LGMN: variants seen among roughly 807,000 people sequenced by gnomAD.
LGMN encodes legumain, also known as asparaginyl endopeptidase.
LGMN carries 36 observed loss-of-function variants against 56.8 expected under a neutral mutation model. That is an observed-to-expected ratio of 0.63 (90% CI 0.49 to 0.84). The LOEUF is 0.84. Among genes scored for constraint, LGMN ranks in the 40% least tolerant of loss-of-function variants. The probability of loss-of-function intolerance (pLI) is 0.00; values close to 1 mark genes in which losing one functional copy is unlikely to be tolerated. For missense variants in LGMN, 446 were observed against 556.1 expected (o/e 0.80, Z 1.99); for synonymous variants, 199 against 210.1 (o/e 0.95, Z 0.46).
At chr14:92,705,267 C>T (rs551935740) in intron 12 of LGMN, among the ~76,000 whole-genome samples, 5 of 152,208 alleles carry the variant, frequency 3.3e-5, no homozygotes, top group South Asian at 2.1e-4. Flanking sequence ...TGTGGGAGGC[C>T]GAGGCAGGTG....
At chr14:92,719,245 G>GCCA (rs1302998421) in intron 2 of LGMN, among the ~76,000 whole-genome samples, 1 of 22,894 alleles carries the variant, frequency 4.4e-5, no homozygotes, top group Non-Finnish European at 7.4e-5. Flanking sequence ...CGCCACCACC[G>GCCA]CCACCACCAC....
At chr14:92,727,374 G>A (rs1890791453) in intron 2 of LGMN, among the ~76,000 whole-genome samples, 1 of 145,206 alleles carries the variant, frequency 6.9e-6, no homozygotes, top group African/African-American at 2.6e-5. Flanking sequence ...ATGTTGCAAT[G>A]AGCCGAGATT....
At chr14:92,735,230 G>A (rs947454542) in intron 1 of LGMN, among the ~76,000 whole-genome samples, 1 of 151,978 alleles carries the variant, frequency 6.6e-6, no homozygotes, top group African/African-American at 2.4e-5. Flanking sequence ...TTTTTGAGAC[G>A]GTGTCTTGCT....
chr14:92,705,253 G>A (rs755017024), intron 12 of LGMN, among the ~76,000 whole-genome samples: 12 of 152,184 alleles, frequency 7.9e-5, no homozygotes, highest in Non-Finnish European at 1.5e-4. Flanking sequence ...TGTAATCCCA[G>A]CACTGTGGGA....
chr14:92,733,130 A>G (rs909892421), intron 1 of LGMN, among the ~76,000 whole-genome samples: 4 of 145,174 alleles, frequency 2.8e-5, no homozygotes, highest in Admixed American at 1.4e-4. Context: ...TCTGGGTGAC[A>G]GAGTCAGACT....
intron 5 of LGMN, chr14:92,715,714 T>A (rs531284586): frequency 3.2e-5 from 5 of 154,080 alleles, no homozygotes; most frequent in African/African-American, 1.2e-4. Context: ...TCCTCCAATA[T>A]GAAGGGACTT....
chr14:92,707,168 G>C (rs563381540), intron 11 of LGMN, among the ~76,000 whole-genome samples: 2 of 151,882 alleles, frequency 1.3e-5, no homozygotes, highest in East Asian at 3.9e-4. Context: ...GAGGCAGGAG[G>C]ATCACTTGAG....
chr14:92,717,271 C>T (rs1439323662), intron 4 of LGMN, 109 bp downstream of exon 4: 2 of 655,646 alleles, frequency 3.1e-6, no homozygotes, highest in Non-Finnish European at 5.3e-6. Context: ...GAAACACCGA[C>T]CAGAAGCCAG....
chr14:92,746,103 G>T (rs868391972), intron 1 of LGMN, among the ~76,000 whole-genome samples: 3 of 152,156 alleles, frequency 2.0e-5, no homozygotes, highest in Middle Eastern at 3.4e-3. Flanking sequence ...TTACAGGCAC[G>T]AGCCACCGCG....
intron 7 of LGMN, 122 bp downstream of exon 7, chr14:92,713,701 G>C (rs1440220640): frequency 1.3e-6 from 1 of 742,288 alleles, no homozygotes; most frequent in African/African-American, 1.8e-5. Context: ...GGATTGGAAG[G>C]ATCCCCTTTC....
rs754911483 is a variant in LGMN, at chr14:92,711,565, G to A, written c.819+94C>T. 2.4e-5 allele frequency: 28 copies of A among 1,155,146 alleles called. No individual in the cohort carries two copies. In the South Asian group the frequency reaches 2.8e-4, roughly 11 times the overall value. The allele number at this position is 1,155,146 out of a possible 1,614,324, so 71.6% of individuals were successfully genotyped here. A position where few individuals can be genotyped will look rare whatever the true frequency, so the allele number is the denominator to read the frequency against. ...CCCTGCCTCAAGCATTCCTCACTCA[G>A]ATCCCATGTCTCTTTAGCAAGAGAT... On this transcript the variant is annotated intron_variant, in intron 10 of 13. Transcript: ENST00000334869.
At chr14:92,726,824 G>A (rs1303731230) in intron 2 of LGMN, among the ~76,000 whole-genome samples, 1 of 152,056 alleles carries the variant, frequency 6.6e-6, no homozygotes, top group African/African-American at 2.4e-5. Flanking sequence ...AGCTCCAAGT[G>A]GTCACAAGTG....
intron 2 of LGMN, among the ~76,000 whole-genome samples, chr14:92,720,486 G>A (rs1174026436): frequency 6.6e-6 from 1 of 152,136 alleles, no homozygotes; most frequent in Non-Finnish European, 1.5e-5. Context: ...TGACCAACAT[G>A]GTGAAACCCT....
intron 2 of LGMN, among the ~76,000 whole-genome samples, chr14:92,719,286 C>A (rs1236519458): frequency 1.1e-5 from 1 of 92,384 alleles, no homozygotes; most frequent in Non-Finnish European, 2.1e-5. Flanking sequence ...CCACCGCCGC[C>A]GCCGCCGCCG....
chr14:92,736,545 A>AAG (rs2140271254), intron 1 of LGMN, among the ~76,000 whole-genome samples: 1 of 152,330 alleles, frequency 6.6e-6, no homozygotes, highest in South Asian at 2.1e-4. Context: ...GCAGTTAGCC[A>AAG]AGATTGTGCC....
Position 92,716,214 on chromosome 14 carries a change from G to A in LGMN, c.326C>T (p.Thr109Ile). Residue 109 changes from threonine (T) to isoleucine (I), a missense_variant, in exon 5 of 14, where the codon ACC becomes ATC. Coordinates refer to ENST00000334869, the MANE Select transcript of LGMN (RefSeq NM_005606.7). Reference protein sequence around the residue: ...VPKDYTGEDVTPQNFLAVLRG... With the variant: ...VPKDYTGEDVIPQNFLAVLRG... ...CAACACAGCAAGGAAATTTTGTGGGGTAACATCCTACAAAGAATTAGGAGC... is the reference window on the plus strand; with the variant it reads ...CAACACAGCAAGGAAATTTTGTGGGATAACATCCTACAAAGAATTAGGAGC... The A allele has an allele frequency of 1.2e-6, 2 of 1,612,010 alleles. No homozygotes were observed. Among genetic ancestry groups the A allele is most frequent in the Non-Finnish European group, 1.7e-6 (2 of 1,178,162 alleles).
At chr14:92,734,786 G>A (rs973724158) in intron 1 of LGMN, among the ~76,000 whole-genome samples, 2 of 152,146 alleles carry the variant, frequency 1.3e-5, no homozygotes, top group African/African-American at 4.8e-5. Flanking sequence ...AAAATATATA[G>A]TCACTGAGAT....
intron 1 of LGMN, among the ~76,000 whole-genome samples, chr14:92,745,969 G>A (rs1200772124): frequency 3.3e-5 from 5 of 152,018 alleles, no homozygotes. Context: ...TTACAGGCAC[G>A]TGCCACCACA....
intron 1 of LGMN, among the ~76,000 whole-genome samples, chr14:92,736,527 C>T (rs1352952329): frequency 6.6e-6 from 1 of 152,310 alleles, no homozygotes; most frequent in Admixed American, 6.5e-5. Context: ...ACCCGGGAGG[C>T]AGAAGCTGCA....
Sources: allele counts gnomAD v4.1 joint callset (sites outside exome capture counted in the v4.1 genomes callset), GRCh38; gene constraint gnomAD v4.1.1; transcripts MANE v1.5; gene names NCBI Gene and HGNC (gene_info 2026-07-23, HGNC 2026-07-21).